FTO: variants seen among roughly 807,000 people sequenced by gnomAD.
FTO encodes FTO alpha-ketoglutarate dependent dioxygenase, also known as alpha-ketoglutarate-dependent dioxygenase FTO.
Under a neutral mutation model 63.9 loss-of-function variants are expected in FTO, and 47 were observed. The ratio of observed to expected loss-of-function variants is 0.74; its 90% confidence interval spans 0.58 to 0.94. The LOEUF is 0.94. Among genes scored for constraint, FTO ranks in the 40% least tolerant of loss-of-function variants. The pLI, the probability that FTO is intolerant of heterozygous loss-of-function variation, is 0.00. For synonymous variants in FTO, 207 were observed against 224.4 expected (o/e 0.92, Z 0.69); for missense variants, 562 against 618.1 (o/e 0.91, Z 0.96).
chr16:53,791,409 G>A (rs1324306983), intron 1 of FTO, among the ~76,000 whole-genome samples: 1 of 151,994 alleles, frequency 6.6e-6, no homozygotes, highest in African/African-American at 2.4e-5. Context: ...TTTTCTTTGT[G>A]GTTGTAGGTG....
intron 1 of FTO, among the ~76,000 whole-genome samples, chr16:53,805,230 T>A (rs74884695): frequency 0.032 from 4,865 of 152,172 alleles, 94 homozygotes; most frequent in South Asian, 0.093. Flanking sequence ...GGATGAAAAA[T>A]ACACTTCATT....
At chr16:53,811,874 G>A (rs376271331) in intron 2 of FTO, among the ~76,000 whole-genome samples, 39 of 152,214 alleles carry the variant, frequency 2.6e-4, no homozygotes, top group African/African-American at 8.9e-4. Context: ...ATGCAGTGGT[G>A]TAATCTGGAT....
rs79909745 is a variant in FTO, at chr16:54,050,286, G to C, written c.1365-61476G>C. ...CACAGTGGATCTGAGAATATGAAGC[G>C]GTCATATTCTCCCAGAGCAGTGCAT... On this transcript the variant is annotated intron_variant, in intron 8 of 8. Coordinates refer to ENST00000471389, the MANE Select transcript of FTO (RefSeq NM_001080432.3). 1.8e-3 allele frequency among the ~76,000 whole-genome samples: 277 copies of C among 152,176 alleles called. 1 individual carries two copies. The highest frequency in any genetic ancestry group is 6.5e-3 in the African/African-American group (268 of 41,500).
chr16:53,866,995 A>G (rs1036586378), intron 4 of FTO, among the ~76,000 whole-genome samples: 7 of 152,160 alleles, frequency 4.6e-5, no homozygotes, highest in Non-Finnish European at 8.8e-5. Flanking sequence ...GCAGAATGCT[A>G]TATTAATGCT....
chr16:53,710,328 C>T (rs867783390), intron 1 of FTO, among the ~76,000 whole-genome samples: 8 of 148,202 alleles, frequency 5.4e-5, no homozygotes, highest in Middle Eastern at 3.5e-3. Flanking sequence ...TGCAGTGGCG[C>T]GATCTCAGCT....
At chr16:53,835,911 A>C in intron 3 of FTO, among the ~76,000 whole-genome samples, 1 of 123,912 alleles carries the variant, frequency 8.1e-6, no homozygotes. Context: ...TTTTTTTGAG[A>C]TGGAGTTTTG....
chr16:53,889,289 A>AT (rs2151907451), intron 7 of FTO, among the ~76,000 whole-genome samples: 1 of 152,316 alleles, frequency 6.6e-6, no homozygotes, highest in African/African-American at 2.4e-5. Context: ...ACTTTAAAAA[A>AT]TTTTTACAGC....
At chr16:53,867,528 T>C (rs1383241689) in intron 4 of FTO, among the ~76,000 whole-genome samples, 1 of 151,122 alleles carries the variant, frequency 6.6e-6, no homozygotes, top group Non-Finnish European at 1.5e-5. Context: ...TGTGTGTGTG[T>C]TTGTGTGTAC....
chr16:54,104,430 A>T (rs2086704317), intron 8 of FTO, among the ~76,000 whole-genome samples: 2 of 150,808 alleles, frequency 1.3e-5, no homozygotes, highest in South Asian at 4.2e-4. Flanking sequence ...CTCCTGCCTC[A>T]GCCTTCTCAG....
At chr16:54,062,808 G>A (rs1599300381) in intron 8 of FTO, among the ~76,000 whole-genome samples, 1 of 152,206 alleles carries the variant, frequency 6.6e-6, no homozygotes, top group Non-Finnish European at 1.5e-5. Flanking sequence ...AGACAGATAA[G>A]TAACTGTGAA....
At chr16:54,074,927 T>A (rs940402292) in intron 8 of FTO, among the ~76,000 whole-genome samples, 119 of 145,918 alleles carry the variant, frequency 8.2e-4, no homozygotes, top group Non-Finnish European at 1.2e-3. Context: ...AGTGTGTGTG[T>A]GTGTGTGTGT....
intron 8 of FTO, among the ~76,000 whole-genome samples, chr16:53,966,368 T>C (rs1197687178): frequency 6.6e-6 from 1 of 152,214 alleles, no homozygotes; most frequent in Non-Finnish European, 1.5e-5. Flanking sequence ...GCAGTTTGAT[T>C]ATGACAGAAT....
chr16:53,708,615 C>G (rs1264814359), intron 1 of FTO, among the ~76,000 whole-genome samples: 1 of 152,218 alleles, frequency 6.6e-6, no homozygotes, highest in Non-Finnish European at 1.5e-5. Flanking sequence ...ACTTGTGTGG[C>G]TACACCATTT....
chr16:54,050,983 A>G (rs1328946103), intron 8 of FTO, among the ~76,000 whole-genome samples: 1 of 152,230 alleles, frequency 6.6e-6, no homozygotes, highest in Non-Finnish European at 1.5e-5. Context: ...CACCACAAGC[A>G]GTTGGTTATC....
intron 8 of FTO, among the ~76,000 whole-genome samples, chr16:53,942,816 A>G (rs1326595562): frequency 1.3e-5 from 2 of 152,196 alleles, no homozygotes; most frequent in African/African-American, 4.8e-5. Context: ...GGACCACGTC[A>G]GCTGCTATCA....
intron 8 of FTO, among the ~76,000 whole-genome samples, chr16:54,009,556 G>A (rs1226978096): frequency 6.6e-6 from 1 of 152,126 alleles, no homozygotes; most frequent in African/African-American, 2.4e-5. Flanking sequence ...ATCGAATTCA[G>A]CAGGTTTGGG....
chr16:53,795,945 T>C (rs2078054975), intron 1 of FTO, among the ~76,000 whole-genome samples: 1 of 151,894 alleles, frequency 6.6e-6, no homozygotes, highest in South Asian at 2.1e-4. Context: ...ACCAAGAGAG[T>C]TACCATCCAT....
intron 1 of FTO, among the ~76,000 whole-genome samples, chr16:53,720,949 C>T (rs1240204195): frequency 6.6e-6 from 1 of 151,928 alleles, no homozygotes; most frequent in African/African-American, 2.4e-5. Context: ...GCCACCAAGC[C>T]TGGCTAATTT....
At position 53,710,168 on chromosome 16, in the gene FTO, T is replaced by TTTTATTTA. The variant is rs10685934; in HGVS notation, c.45+5960_45+5967dup. The stretch of plus-strand genomic sequence containing the variant: ...ACATTTGTGATGTGTGCAAGCTATC[T>TTTTATTTA]TTTATTTATTTATTTATTTATTTAT... On this transcript the variant is annotated intron_variant, in intron 1 of 8. Coordinates refer to ENST00000471389, the MANE Select transcript of FTO (RefSeq NM_001080432.3). Among the ~76,000 whole-genome samples, 1,032 of 150,938 alleles carry TTTTATTTA rather than the reference T, an allele frequency of 6.8e-3. 11 individuals carry two copies. Among genetic ancestry groups the TTTTATTTA allele is most frequent in the African/African-American group, 0.023 (945 of 40,982 alleles).
Sources: gnomAD v4.1 joint callset for allele counts (sites outside exome capture counted in the v4.1 genomes callset) on GRCh38, gnomAD v4.1.1 for gene constraint, MANE v1.5 for transcripts, NCBI Gene and HGNC (gene_info 2026-07-23, HGNC 2026-07-21) for gene names.